The following DDR2 variants were observed in gnomAD, a reference collection of about 807,000 sequenced individuals.
The protein encoded by DDR2 is discoidin domain-containing receptor 2.
In DDR2, 27 loss-of-function variants were observed where a neutral mutation model predicts 94.9. That is an observed-to-expected ratio of 0.28 (90% confidence interval 0.21 to 0.39). The LOEUF (loss-of-function observed/expected upper bound fraction) is 0.39, where lower values mean the gene tolerates loss of function less well. DDR2 is among the 10% of genes least tolerant of loss of function. The pLI is 1.00. For missense variants in DDR2, 783 were observed against 1,076.0 expected (o/e 0.73, Z 3.81); for synonymous variants, 382 against 377.2 (o/e 1.01, Z -0.15).
rs139686838 is a variant in DDR2, at chr1:162,686,174, C to T, written c.-28+30800C>T. Among the ~76,000 whole-genome samples the T allele has an allele frequency of 1.7e-3, 256 of 151,788 alleles. 6 individuals are homozygous for T. The East Asian group carries it at 0.039, about 23-fold the overall frequency. ...TGGAGTAGCTGGGATTACAGGTGCC[C>T]GGCACCATGCCCAGCTAATTTTTGT... On this transcript the variant is annotated intron_variant, in intron 2 of 17. Coordinates refer to ENST00000367921, the MANE Select transcript of DDR2 (RefSeq NM_006182.4).
At chr1:162,643,574 C>T (rs1363756060) in intron 1 of DDR2, among the ~76,000 whole-genome samples, 2 of 151,804 alleles carry the variant, frequency 1.3e-5, no homozygotes, top group African/African-American at 4.9e-5. Context: ...TCCGCCTCCC[C>T]GGCTCAGGTG....
intron 3 of DDR2, 47 bp from the exon 4 acceptor site, chr1:162,753,048 A>T: frequency 6.5e-7 from 1 of 1,537,510 alleles, no homozygotes; most frequent in Non-Finnish European, 9.0e-7. Context: ...TTGGAAATAA[A>T]AATAAAACCA....
At chr1:162,731,396 T>A (rs1233859977) in intron 3 of DDR2, among the ~76,000 whole-genome samples, 1 of 152,208 alleles carries the variant, frequency 6.6e-6, no homozygotes, top group African/African-American at 2.4e-5. Context: ...ATTTCTTCAC[T>A]TATTTATTTA....
intron 3 of DDR2, among the ~76,000 whole-genome samples, chr1:162,749,664 G>A (rs1663077678): frequency 6.6e-6 from 1 of 152,128 alleles, no homozygotes; most frequent in Non-Finnish European, 1.5e-5. Flanking sequence ...TATAAGGCCA[G>A]CATCATCCTG....
chr1:162,686,458 A>T (rs965520883), intron 2 of DDR2, among the ~76,000 whole-genome samples: 3 of 152,114 alleles, frequency 2.0e-5, no homozygotes, highest in African/African-American at 7.2e-5. Flanking sequence ...ATGAGTGAGA[A>T]TATGCGGTGT....
intron 2 of DDR2, among the ~76,000 whole-genome samples, chr1:162,674,767 T>G (rs1659046906): frequency 6.6e-6 from 1 of 152,224 alleles, no homozygotes; most frequent in Admixed American, 6.5e-5. Context: ...ATTTATTGTT[T>G]GCTACAATGT....
intron 2 of DDR2, among the ~76,000 whole-genome samples, chr1:162,704,108 T>A (rs773352195): frequency 1.1e-4 from 16 of 152,120 alleles, no homozygotes; most frequent in Non-Finnish European, 1.9e-4. Context: ...TAGGAAAGAG[T>A]TGCCCATGTG....
chr1:162,780,003 T>G lies in DDR2; in HGVS notation c.2434-109T>G, dbSNP rs1302049909. On this transcript the variant is annotated intron_variant, in intron 17 of 17. Transcript: ENST00000367921. ...ATTTCAGTTATCAAGTTCAAGAAAG[T>G]GGGCAGGGGGCAAATCAAACCATGA... is the stretch of plus-strand genomic sequence containing the variant. 4.6e-6 allele frequency: 7 copies of G among 1,522,830 alleles called. No homozygotes were observed. The Admixed American group carries it at 1.2e-4, about 25-fold the overall frequency. The allele number at this position is 1,522,830 out of a possible 1,614,324, so 94.3% of individuals were successfully genotyped here. A position where few individuals can be genotyped will look rare whatever the true frequency, so the allele number is the denominator to read the frequency against.
chr1:162,667,539 G>T (rs1158856977), intron 2 of DDR2, among the ~76,000 whole-genome samples: 1 of 152,114 alleles, frequency 6.6e-6, no homozygotes, highest in Admixed American at 6.6e-5. Context: ...TTGTAGAAAA[G>T]AACAAACACA....
intron 2 of DDR2, among the ~76,000 whole-genome samples, chr1:162,691,022 C>G (rs566940818): frequency 3.3e-5 from 5 of 152,284 alleles, no homozygotes; most frequent in East Asian, 3.9e-4. Flanking sequence ...CTCTTTCCCC[C>G]CCAGGGTATA....
chr1:162,655,210 G>A lies in DDR2; in HGVS notation c.-191-1G>A, dbSNP rs1657898876. ...AAAATATTGCTTTCTCTTTTTCCCA[G>A]CCTCCATCAAGGGAGACCTGCAAGT... is the stretch of plus-strand genomic sequence containing the variant. On this transcript the variant is annotated splice_acceptor_variant, in intron 1 of 17. Transcript: ENST00000367921. LOFTEE classifies it low-confidence loss of function (5UTR_SPLICE). The A allele has an allele frequency of 6.6e-6, 1 of 152,166 alleles. No individual in the cohort carries two copies. Among genetic ancestry groups the A allele is most frequent in the Non-Finnish European group, 1.5e-5 (1 of 68,036 alleles). The allele number at this position is 152,166 out of a possible 1,614,324, so 9.4% of individuals were successfully genotyped here. A position where few individuals can be genotyped will look rare whatever the true frequency, so the allele number is the denominator to read the frequency against.
At chr1:162,693,054 A>T (rs1660026895) in intron 2 of DDR2, among the ~76,000 whole-genome samples, 1 of 152,224 alleles carries the variant, frequency 6.6e-6, no homozygotes, top group Admixed American at 6.5e-5. Flanking sequence ...TTTTGAGCGA[A>T]AGGGGCCAAA....
intron 10 of DDR2, among the ~76,000 whole-genome samples, chr1:162,766,851 G>C (rs1664015691): frequency 6.6e-6 from 1 of 151,922 alleles, no homozygotes; most frequent in African/African-American, 2.4e-5. Flanking sequence ...GGCCAACATG[G>C]AGAAACCCCA....
intron 1 of DDR2, among the ~76,000 whole-genome samples, chr1:162,638,280 C>T (rs1396828476): frequency 6.6e-6 from 1 of 152,172 alleles, no homozygotes; most frequent in Non-Finnish European, 1.5e-5. Flanking sequence ...CTCGGCCTCC[C>T]AAAGTGTTGG....
Position 162,781,739 on chromosome 1 carries a change from G to C in DDR2, c.*1493G>C, listed in dbSNP as rs1342005713. On this transcript the variant is annotated 3_prime_UTR_variant, in exon 18 of 18. Coordinates refer to ENST00000367921, the MANE Select transcript of DDR2 (RefSeq NM_006182.4). ...ACTGTCAAGAAGGAATCTGCTCAGA[G>C]CAGATTCTGAGTTTTCACACTCCAC... The C allele has an allele frequency of 6.6e-6, 1 of 152,158 alleles. No individual in the cohort carries two copies. Among genetic ancestry groups the C allele is most frequent in the Non-Finnish European group, 1.5e-5 (1 of 68,032 alleles). The allele number at this position is 152,158 out of a possible 1,614,324, so 9.4% of individuals were successfully genotyped here. A position where few individuals can be genotyped will look rare whatever the true frequency, so the allele number is the denominator to read the frequency against.
chr1:162,647,767 G>A (rs1337535129), intron 1 of DDR2, among the ~76,000 whole-genome samples: 3 of 152,152 alleles, frequency 2.0e-5, no homozygotes, highest in African/African-American at 7.2e-5. Flanking sequence ...TATAATTAGC[G>A]TCTAATGAGC....
chr1:162,758,000 A>G (rs921522950), intron 7 of DDR2, among the ~76,000 whole-genome samples: 1 of 152,164 alleles, frequency 6.6e-6, no homozygotes, highest in Non-Finnish European at 1.5e-5. Context: ...AGCATTTTCC[A>G]TTACTATGAA....
intron 2 of DDR2, among the ~76,000 whole-genome samples, chr1:162,708,651 G>C (rs1322955767): frequency 6.6e-6 from 1 of 152,226 alleles, no homozygotes; most frequent in Non-Finnish European, 1.5e-5. Context: ...ATAGGAAACT[G>C]CTTGGGTCTT....
chr1:162,713,548 T>C (rs1194852582), intron 2 of DDR2, among the ~76,000 whole-genome samples: 1 of 152,218 alleles, frequency 6.6e-6, no homozygotes, highest in Non-Finnish European at 1.5e-5. Context: ...AGATCTTATA[T>C]ATATATAAAT....
Sources: allele counts gnomAD v4.1 joint callset (sites outside exome capture counted in the v4.1 genomes callset), GRCh38; gene constraint gnomAD v4.1.1; transcripts MANE v1.5; gene names NCBI Gene and HGNC (gene_info 2026-07-23, HGNC 2026-07-21).